The following PRUNE2 variants were observed in gnomAD, a reference collection of about 807,000 sequenced individuals.
PRUNE2 encodes prune homolog 2 with BCH domain.
Under a neutral mutation model 252.0 loss-of-function variants are expected in PRUNE2, and 164 were observed. The observed-to-expected ratio is 0.65, with a 90% CI of 0.57 to 0.74. The LOEUF is 0.74. PRUNE2 is among the 30% of genes least tolerant of loss of function. The pLI is 0.00. For missense variants in PRUNE2, 3,495 were observed against 3,711.0 expected, an observed-to-expected ratio of 0.94 and a Z score of 1.51; for synonymous variants, 1,292 against 1,350.2, an observed-to-expected ratio of 0.96 and a Z score of 0.94.
At chr9:76,781,711 A>G (rs1236539348) in intron 6 of PRUNE2, among the ~76,000 whole-genome samples, 1 of 152,230 alleles carries the variant, frequency 6.6e-6, no homozygotes, top group African/African-American at 2.4e-5. Context: ...CTCCAAGAGG[A>G]TAAGAATTAT....
chr9:76,800,816 T>G (rs1259489794), intron 6 of PRUNE2, among the ~76,000 whole-genome samples: 1 of 152,194 alleles, frequency 6.6e-6, no homozygotes, highest in African/African-American at 2.4e-5. Flanking sequence ...TACGCTGTCA[T>G]AGAGTGGAAA....
rs1208977152 is a variant in PRUNE2, at chr9:76,864,561, G to T, written c.37-10353C>A. ...GTAAGAACATTTTGGTAGGACAATAGCACCAAAAAGAATGATAAAAGGCAA... is the reference window on the plus strand; with the variant it reads ...GTAAGAACATTTTGGTAGGACAATATCACCAAAAAGAATGATAAAAGGCAA... On this transcript the variant is annotated intron_variant, in intron 1 of 18. Transcript: ENST00000376718. Among the ~76,000 whole-genome samples the T allele has an allele frequency of 1.3e-5, 2 of 152,044 alleles. 1 individual carries two copies. The highest frequency in any genetic ancestry group is 2.9e-5 in the Non-Finnish European group (2 of 68,008).
chr9:76,658,765 C>G (rs1362121036), intron 9 of PRUNE2, among the ~76,000 whole-genome samples: 1 of 152,190 alleles, frequency 6.6e-6, no homozygotes, highest in Non-Finnish European at 1.5e-5. Flanking sequence ...CTACATGTCT[C>G]CATCTAGAGG....
chr9:76,780,270 C>T (rs1271259467), intron 6 of PRUNE2, among the ~76,000 whole-genome samples: 5 of 152,070 alleles, frequency 3.3e-5, no homozygotes, highest in Non-Finnish European at 1.5e-5. Flanking sequence ...TGCGCACTCC[C>T]CCAACAATTG....
intron 6 of PRUNE2, among the ~76,000 whole-genome samples, chr9:76,716,823 C>A (rs1288296328): frequency 6.6e-6 from 1 of 152,082 alleles, no homozygotes; most frequent in East Asian, 1.9e-4. Context: ...CCCCAACCCC[C>A]CAACAGGCCC....
intron 6 of PRUNE2, chr9:76,782,546 G>A (rs995204355): frequency 2.0e-5 from 3 of 152,150 alleles, no homozygotes; most frequent in Non-Finnish European, 4.4e-5. Flanking sequence ...GTTAATTTTT[G>A]TAAAATCCTT....
chr9:76,849,685 G>A (rs1040735825), intron 3 of PRUNE2, among the ~76,000 whole-genome samples: 1 of 152,028 alleles, frequency 6.6e-6, no homozygotes, highest in African/African-American at 2.4e-5. Context: ...AATCAGCCAG[G>A]CGTGGTGGTG....
chr9:76,802,053 A>C (rs557267827), intron 6 of PRUNE2, among the ~76,000 whole-genome samples: 1 of 152,306 alleles, frequency 6.6e-6, no homozygotes, highest in Admixed American at 6.5e-5. Context: ...ATACTAATTG[A>C]AGCTGATTGA....
intron 9 of PRUNE2, among the ~76,000 whole-genome samples, chr9:76,687,328 C>A (rs1233461995): frequency 6.6e-6 from 1 of 152,170 alleles, no homozygotes; most frequent in Non-Finnish European, 1.5e-5. Flanking sequence ...TTTCATCAAC[C>A]TTTCCTGGAT....
At chr9:76,629,110 T>G in intron 16 of PRUNE2, 82 bp downstream of exon 16, 1 of 795,068 alleles carries the variant, frequency 1.3e-6, no homozygotes, top group Non-Finnish European at 2.0e-6. Flanking sequence ...CCCAAAGTGC[T>G]AGGATTACAG....
intron 6 of PRUNE2, among the ~76,000 whole-genome samples, chr9:76,750,578 G>T (rs1181014841): frequency 1.3e-5 from 2 of 152,188 alleles, no homozygotes; most frequent in African/African-American, 4.8e-5. Flanking sequence ...CAGCCAAGAT[G>T]CATTTACAAA....
chr9:76,890,006 G>A (rs1253677822), intron 1 of PRUNE2, among the ~76,000 whole-genome samples: 3 of 152,182 alleles, frequency 2.0e-5, no homozygotes, highest in Admixed American at 6.5e-5. Flanking sequence ...TTTAAAGAGC[G>A]CTGCCGGAAT....
chr9:76,639,531 T>G (rs605523), intron 12 of PRUNE2, among the ~76,000 whole-genome samples: 73,570 of 152,014 alleles, frequency 0.48, 19,587 homozygotes, highest in Middle Eastern at 0.65. Flanking sequence ...AGCCAATATT[T>G]TACTGCCACG....
chr9:76,754,952 G>A (rs2050976653), intron 6 of PRUNE2, among the ~76,000 whole-genome samples: 2 of 112,834 alleles, frequency 1.8e-5, no homozygotes. Flanking sequence ...GTGACAGAGT[G>A]AGACTCGGTC....
chr9:76,899,478 T>C (rs918439081), intron 1 of PRUNE2, among the ~76,000 whole-genome samples: 2 of 152,326 alleles, frequency 1.3e-5, no homozygotes, highest in South Asian at 2.1e-4. Flanking sequence ...GACAATAGCC[T>C]TTCTTCAGAT....
At chr9:76,833,109 G>A (rs2058755121) in intron 4 of PRUNE2, among the ~76,000 whole-genome samples, 1 of 151,948 alleles carries the variant, frequency 6.6e-6, no homozygotes, top group South Asian at 2.1e-4. Context: ...TTTCCCAAAA[G>A]TCTAAAGACA....
intron 1 of PRUNE2, among the ~76,000 whole-genome samples, chr9:76,900,991 G>T (rs2063136553): frequency 6.6e-6 from 1 of 152,192 alleles, no homozygotes; most frequent in Non-Finnish European, 1.5e-5. Flanking sequence ...TGACAAAATA[G>T]TCCCCATATC....
Position 76,612,867 on chromosome 9 carries a change from T to G in PRUNE2, c.*1703A>C, listed in dbSNP as rs1827870859. 6 of 152,158 alleles carry G rather than the reference T, an allele frequency of 3.9e-5. No individual in the cohort carries two copies. The highest frequency in any genetic ancestry group is 3.3e-4 in the Admixed American group (5 of 15,274). The allele number at this position is 152,158 out of a possible 1,614,324, so 9.4% of individuals were successfully genotyped here. ...GTTACAAGCTCCTTCTACCCAGGAC[T>G]CCAAATATCCTGGACAGCTCTCCCC... On this transcript the variant is annotated 3_prime_UTR_variant, in exon 19 of 19. Transcript: ENST00000376718.
intron 6 of PRUNE2, among the ~76,000 whole-genome samples, chr9:76,716,550 T>C (rs1013657894): frequency 4.6e-5 from 7 of 152,206 alleles, no homozygotes; most frequent in African/African-American, 1.7e-4. Context: ...AAAAGTCCCC[T>C]TAGGGTGTGC....
Sources: allele counts gnomAD v4.1 joint callset (sites outside exome capture counted in the v4.1 genomes callset), GRCh38; gene constraint gnomAD v4.1.1; transcripts MANE v1.5; gene names NCBI Gene and HGNC (gene_info 2026-07-23, HGNC 2026-07-21).